The following ARID1B variants were observed in gnomAD, a reference collection of about 807,000 sequenced individuals.
ARID1B encodes the protein AT-rich interaction domain 1B, also known as AT-rich interactive domain-containing protein 1B.
In ARID1B, 30 loss-of-function variants were observed where a neutral mutation model predicts 212.3. The observed-to-expected ratio is 0.14, with a 90% confidence interval of 0.11 to 0.19. The LOEUF (loss-of-function observed/expected upper bound fraction) is 0.19. ARID1B is among the 10% of genes least tolerant of loss of function. ARID1B has a pLI of 1.00. For missense variants in ARID1B, 2,891 were observed against 3,204.0 expected, an observed-to-expected ratio of 0.90 and a Z score of 2.36; for synonymous variants, 1,402 against 1,301.7, an observed-to-expected ratio of 1.08 and a Z score of -1.66.
intron 4 of ARID1B, among the ~76,000 whole-genome samples, chr6:157,065,726 T>C (rs1468551349): frequency 6.6e-6 from 1 of 152,216 alleles, no homozygotes; most frequent in Non-Finnish European, 1.5e-5. Context: ...TAGCGTACAT[T>C]AGTGCTGACC....
chr6:157,137,878 G>A (rs150358517), intron 7 of ARID1B, among the ~76,000 whole-genome samples: 1 of 152,084 alleles, frequency 6.6e-6, no homozygotes, highest in African/African-American at 2.4e-5. Context: ...CTTTGGTAAA[G>A]GTGTTTTTCA....
chr6:156,872,634 C>A (rs184336567), intron 2 of ARID1B, among the ~76,000 whole-genome samples: 1 of 152,222 alleles, frequency 6.6e-6, no homozygotes, highest in East Asian at 1.9e-4. Flanking sequence ...CCTAACCCAT[C>A]GGTTTTCAGT....
At chr6:157,046,828 G>A (rs996087575) in intron 4 of ARID1B, among the ~76,000 whole-genome samples, 1 of 151,956 alleles carries the variant, frequency 6.6e-6, no homozygotes, top group African/African-American at 2.4e-5. Context: ...TTACTTTTCA[G>A]CATTTTTCTC....
intron 2 of ARID1B, among the ~76,000 whole-genome samples, chr6:156,872,099 G>A (rs759975851): frequency 1.3e-5 from 2 of 152,164 alleles, no homozygotes; most frequent in Non-Finnish European, 1.5e-5. Flanking sequence ...AAAATAGACT[G>A]GATTTAAGCA....
chr6:157,059,845 T>C (rs1783227164), intron 4 of ARID1B, among the ~76,000 whole-genome samples: 1 of 152,238 alleles, frequency 6.6e-6, no homozygotes, highest in South Asian at 2.1e-4. Context: ...TCTAGGAGTT[T>C]AAATGAGATA....
intron 2 of ARID1B, among the ~76,000 whole-genome samples, chr6:156,894,412 A>G (rs932340641): frequency 3.9e-5 from 6 of 152,162 alleles, no homozygotes. Flanking sequence ...TGGTTGGCCA[A>G]CAGTGTGAAT....
intron 2 of ARID1B, among the ~76,000 whole-genome samples, chr6:156,859,587 CTT>C (rs968138788): frequency 1.2e-4 from 18 of 152,122 alleles, no homozygotes; most frequent in African/African-American, 3.9e-4. Flanking sequence ...GTAAAGGAAA[CTT>C]AAAGTTGAAT....
At chr6:157,025,687 A>G (rs1780614094) in intron 4 of ARID1B, among the ~76,000 whole-genome samples, 1 of 152,176 alleles carries the variant, frequency 6.6e-6, no homozygotes, top group Non-Finnish European at 1.5e-5. Flanking sequence ...GGCTATGATC[A>G]TAGTTTTGTT....
chr6:157,037,120 A>G (rs1272819310), intron 4 of ARID1B, among the ~76,000 whole-genome samples: 1 of 152,238 alleles, frequency 6.6e-6, no homozygotes, highest in Non-Finnish European at 1.5e-5. Flanking sequence ...TTTAGCAGTA[A>G]TTGACTTTTA....
chr6:156,909,840 A>G (rs1789722703), intron 3 of ARID1B, among the ~76,000 whole-genome samples: 1 of 152,194 alleles, frequency 6.6e-6, no homozygotes, highest in African/African-American at 2.4e-5. Flanking sequence ...TGTTCACAGG[A>G]TGGGTCTGTG....
intron 1 of ARID1B, among the ~76,000 whole-genome samples, chr6:156,793,450 C>G (rs1160762432): frequency 6.6e-6 from 1 of 152,130 alleles, no homozygotes; most frequent in Non-Finnish European, 1.5e-5. Context: ...ATCCTCCCAG[C>G]TCAGCCTCGT....
Position 156,838,027 on chromosome 6 carries a change from T to C in ARID1B, c.1986+8606T>C, listed in dbSNP as rs1008023028. 5.3e-5 allele frequency among the ~76,000 whole-genome samples: 8 copies of C among 152,250 alleles called. No homozygotes were observed. In the East Asian group the frequency reaches 9.6e-4, roughly 18 times the overall value. On this transcript the variant is annotated intron_variant, in intron 2 of 19. Coordinates refer to ENST00000636930, the MANE Select transcript of ARID1B (RefSeq NM_001374828.1). ...GAGTTACCCAGCTTCCCAATTCTTA[T>C]GGAGAAGTGTGTTTAATTTAGAAAG...
At chr6:156,859,793 C>G (rs1398908974) in intron 2 of ARID1B, among the ~76,000 whole-genome samples, 1 of 152,202 alleles carries the variant, frequency 6.6e-6, no homozygotes, top group Non-Finnish European at 1.5e-5. Flanking sequence ...TGAAAATCAC[C>G]ATCTGCTCCC....
chr6:157,153,373 T>C (rs1271316415), intron 8 of ARID1B, among the ~76,000 whole-genome samples: 1 of 152,228 alleles, frequency 6.6e-6, no homozygotes, highest in Non-Finnish European at 1.5e-5. Context: ...CCCTCCTCCT[T>C]CTACACACTG....
chr6:157,120,894 T>C (rs1017376040), intron 6 of ARID1B, among the ~76,000 whole-genome samples: 5 of 152,224 alleles, frequency 3.3e-5, no homozygotes, highest in Non-Finnish European at 7.3e-5. Flanking sequence ...ATTAAATTTT[T>C]CTGTAATTGA....
chr6:157,166,761 A>G, intron 8 of ARID1B: 1 of 276,658 alleles, frequency 3.6e-6, no homozygotes. Context: ...TCTTGCTTAT[A>G]TTCCTCTATA....
rs920345251 is a variant in ARID1B, at chr6:156,865,593, G to GT, written c.1987-35775dup. On this transcript the variant is annotated intron_variant, in intron 2 of 19. Transcript: ENST00000636930. ...GGCTCAATTATGGAAAAGCTCTTAAGTTTTTTTTATCTCCCTGTTCTCCTT... is the reference window on the plus strand; with the variant it reads ...GGCTCAATTATGGAAAAGCTCTTAAGTTTTTTTTTATCTCCCTGTTCTCCTT... Among the ~76,000 whole-genome samples, 5 of 151,992 alleles carry GT rather than the reference G, an allele frequency of 3.3e-5. No homozygotes were observed. In the East Asian group the frequency reaches 5.8e-4, roughly 18 times the overall value.
chr6:156,940,910 A>G (rs1025905162), intron 4 of ARID1B: 3 of 152,232 alleles, frequency 2.0e-5, no homozygotes, highest in East Asian at 1.9e-4. Flanking sequence ...GGTTTTGGCA[A>G]AAGTTAAAAT....
At chr6:156,942,176 A>G (rs1792726042) in intron 4 of ARID1B, 1 of 152,228 alleles carries the variant, frequency 6.6e-6, no homozygotes, top group African/African-American at 2.4e-5. Flanking sequence ...AATAGACACT[A>G]GACAAAATTG....
Sources: allele counts gnomAD v4.1 joint callset (sites outside exome capture counted in the v4.1 genomes callset), GRCh38; gene constraint gnomAD v4.1.1; transcripts MANE v1.5; gene names NCBI Gene and HGNC (gene_info 2026-07-23, HGNC 2026-07-21).